The following TUBGCP4 variants were observed in gnomAD, a reference collection of about 807,000 sequenced individuals.
TUBGCP4 encodes the protein gamma-tubulin complex component 4.
In TUBGCP4, 54 loss-of-function variants were observed where a neutral mutation model predicts 91.6. That is an observed-to-expected ratio of 0.59 (90% CI 0.47 to 0.74). The LOEUF is 0.74. Among genes scored for constraint, TUBGCP4 ranks in the 30% least tolerant of loss-of-function variants. The probability of loss-of-function intolerance (pLI) is 0.00; values close to 1 mark genes in which losing one functional copy is unlikely to be tolerated. For missense variants in TUBGCP4, 593 were observed against 800.9 expected, an observed-to-expected ratio of 0.74 and a Z score of 3.13; for synonymous variants, 297 against 302.8, an observed-to-expected ratio of 0.98 and a Z score of 0.20.
chr15:43,405,200 A>G lies in TUBGCP4; in HGVS notation c.1989-2A>G. 3 of 1,614,050 alleles carry G rather than the reference A, an allele frequency of 1.9e-6. No individual in the cohort carries two copies. Among genetic ancestry groups the G allele is most frequent in the Non-Finnish European group, 2.5e-6 (3 of 1,179,958 alleles). ...TAATAAGGCTCTTTTTCTCTTTTGT[A>G]GTTTCGGGATGTGAAAATTTCTGGC... is the stretch of plus-strand genomic sequence containing the variant. On this transcript the variant is annotated splice_acceptor_variant, in intron 17 of 17. Transcript: ENST00000564079. LOFTEE classifies it high-confidence loss of function.
At chr15:43,396,553 TGTG>T (rs1275844482) in intron 11 of TUBGCP4, among the ~76,000 whole-genome samples, 1 of 152,218 alleles carries the variant, frequency 6.6e-6, no homozygotes, top group Non-Finnish European at 1.5e-5. Context: ...TATAAGTACT[TGTG>T]GTTGCAAATA....
intron 16 of TUBGCP4, chr15:43,404,125 G>A: frequency 2.0e-6 from 1 of 510,366 alleles, no homozygotes; most frequent in African/African-American, 1.9e-5. Flanking sequence ...TTATCTGCTT[G>A]TAATCAAAAC....
intron 9 of TUBGCP4, among the ~76,000 whole-genome samples, chr15:43,388,396 A>G (rs1209203295): frequency 6.6e-6 from 1 of 152,236 alleles, no homozygotes; most frequent in Middle Eastern, 3.2e-3. Context: ...GTTCGATCTT[A>G]AAATGGCTGT....
rs780662633 is a variant in TUBGCP4, at chr15:43,376,195, T to C, written c.176T>C (p.Ile59Thr). Residue 59 changes from isoleucine to threonine, a missense_variant, in exon 2 of 18, where the codon ATT (isoleucine) becomes ACT (threonine). Physicochemically the swap from Ile to Thr is moderately conservative, Grantham distance 89. Coordinates refer to ENST00000564079, the MANE Select transcript of TUBGCP4 (RefSeq NM_014444.5). The stretch of plus-strand genomic sequence containing the variant: ...GACTATATTCGCTTCACTGAGTTCA[T>C]TGAACAGTACACGGGCCATGTGCAA... ...GTDYIRFTEFIEQYTGHVQQQ... is the reference protein window; with the variant it reads ...GTDYIRFTEFTEQYTGHVQQQ... 2.5e-6 allele frequency: 4 copies of C among 1,614,170 alleles called. No individual in the cohort carries two copies. The highest frequency in any genetic ancestry group is 3.4e-6 in the Non-Finnish European group (4 of 1,180,026).
intron 4 of TUBGCP4, chr15:43,377,483 TGTG>T: frequency 3.4e-6 from 1 of 297,394 alleles, no homozygotes; most frequent in Non-Finnish European, 6.2e-6. Flanking sequence ...ATTAGTCGGT[TGTG>T]GTGGCGTGCA....
chr15:43,389,365 C>T (rs531339632), intron 9 of TUBGCP4, among the ~76,000 whole-genome samples: 2 of 152,088 alleles, frequency 1.3e-5, no homozygotes, highest in Non-Finnish European at 2.9e-5. Context: ...ATCATACTAT[C>T]TGCAAATGAG....
rs1042527343 is a variant in TUBGCP4 at position 43,383,528 on chromosome 15, G to A, written c.723+24G>A. 3.8e-6 allele frequency: 6 copies of A among 1,560,752 alleles called. No homozygotes were observed. The South Asian group carries it at 4.9e-5, about 13-fold the overall frequency. On this transcript the variant is annotated intron_variant, in intron 7 of 17. Coordinates refer to ENST00000564079, the MANE Select transcript of TUBGCP4 (RefSeq NM_014444.5). ...TGGTGAGAGCCCAAAAAGTAGCCTAGCACTCTCCTGCCAGGAGTCAGAAAA... is the reference window on the plus strand; with the variant it reads ...TGGTGAGAGCCCAAAAAGTAGCCTAACACTCTCCTGCCAGGAGTCAGAAAA...
rs1332361016 is a variant in TUBGCP4, at chr15:43,408,215, A to G, written c.*3001A>G. The G allele has an allele frequency of 3.0e-6, 3 of 993,618 alleles. No individual in the cohort carries two copies. The highest frequency in any genetic ancestry group is 4.4e-6 in the Non-Finnish European group (3 of 686,830). 61.6% of individuals were successfully genotyped at this position (993,618 alleles called of 1,614,324 possible). A position where few individuals can be genotyped will look rare whatever the true frequency, so the allele number is the denominator to read the frequency against. On this transcript the variant is annotated 3_prime_UTR_variant, in exon 18 of 18. Transcript: ENST00000564079. The stretch of plus-strand genomic sequence containing the variant: ...ATGCCCCATCAGACATAGTGTCTCA[A>G]GCCTGTAATCCCAGCACTTTGGGAG...
chr15:43,408,672 T>C lies in TUBGCP4; in HGVS notation c.*3458T>C, dbSNP rs1238020157. On this transcript the variant is annotated 3_prime_UTR_variant, in exon 18 of 18. Coordinates refer to ENST00000564079, the MANE Select transcript of TUBGCP4 (RefSeq NM_014444.5). ...GTTCTCTGACTTTACAGGTTGAGAA[T>C]ATTGAACCTATATACAAATCTTCAC... is the stretch of plus-strand genomic sequence containing the variant. 6 of 538,986 alleles carry C rather than the reference T, an allele frequency of 1.1e-5. No homozygotes were observed. Among genetic ancestry groups the C allele is most frequent in the Admixed American group, 3.1e-5 (1 of 32,394 alleles). 33.4% of individuals were successfully genotyped at this position (538,986 alleles called of 1,614,324 possible). A position where few individuals can be genotyped will look rare whatever the true frequency, so the allele number is the denominator to read the frequency against.
chr15:43,375,573 A>T (rs2044193378), intron 1 of TUBGCP4, among the ~76,000 whole-genome samples: 1 of 152,218 alleles, frequency 6.6e-6, no homozygotes, highest in Non-Finnish European at 1.5e-5. Flanking sequence ...GACACTAAAT[A>T]TATATGGCCA....
rs2044312352 is a variant in TUBGCP4 at position 43,383,376 on chromosome 15, C to T, written c.595C>T (p.Gln199Ter). 1.2e-6 allele frequency: 2 copies of T among 1,614,106 alleles called. No individual in the cohort carries two copies. Among genetic ancestry groups the T allele is most frequent in the African/African-American group, 1.3e-5 (1 of 75,016 alleles). Residue 199 changes from glutamine (Q) to a stop codon, truncating the protein, a stop_gained, in exon 7 of 18, where the codon CAG becomes TAG. Coordinates refer to ENST00000564079, the MANE Select transcript of TUBGCP4 (RefSeq NM_014444.5). LOFTEE classifies it high-confidence loss of function. Reference protein sequence around the residue: ...AWMLHGLLLDQHEEFFIKQGP... With the variant: ...AWMLHGLLLD ...GATGCTCCATGGACTCCTCTTGGAC[C>T]AGCATGAAGAATTCTTTATCAAACA...
At chr15:43,381,596 G>A (rs996003306) in intron 6 of TUBGCP4, among the ~76,000 whole-genome samples, 2 of 151,928 alleles carry the variant, frequency 1.3e-5, no homozygotes, top group Non-Finnish European at 2.9e-5. Context: ...AATTAGCCAG[G>A]TGTGGTGCCT....
At chr15:43,375,648 A>G (rs1365658105) in intron 1 of TUBGCP4, among the ~76,000 whole-genome samples, 2 of 152,208 alleles carry the variant, frequency 1.3e-5, no homozygotes, top group East Asian at 3.8e-4. Context: ...AATGAAAACA[A>G]TGAAAACTTC....
intron 4 of TUBGCP4, 111 bp downstream of exon 4, chr15:43,377,178 A>G (rs1291221069): frequency 1.3e-5 from 11 of 874,100 alleles, no homozygotes; most frequent in Admixed American, 2.2e-5. Flanking sequence ...AGAGCCTAAC[A>G]TTTTATATTT....
chr15:43,408,713 T>C lies in TUBGCP4; in HGVS notation c.*3499T>C, dbSNP rs1330419354. 25 of 610,082 alleles carry C rather than the reference T, an allele frequency of 4.1e-5. No individual in the cohort carries two copies. The highest frequency in any genetic ancestry group is 6.6e-5 in the Non-Finnish European group (23 of 349,038). 37.8% of individuals were successfully genotyped at this position (610,082 alleles called of 1,614,324 possible). A position where few individuals can be genotyped will look rare whatever the true frequency, so the allele number is the denominator to read the frequency against. On this transcript the variant is annotated 3_prime_UTR_variant, in exon 18 of 18. Coordinates refer to ENST00000564079, the MANE Select transcript of TUBGCP4 (RefSeq NM_014444.5). Reference sequence around the variant, plus strand: ...AAATCTTCACACATTTGCAAAAGGTTCCTAGCCAATGTAACCTAGGGAAAT... The same window carrying C: ...AAATCTTCACACATTTGCAAAAGGTCCCTAGCCAATGTAACCTAGGGAAAT...
intron 1 of TUBGCP4, among the ~76,000 whole-genome samples, chr15:43,375,502 A>G (rs1173247297): frequency 6.6e-6 from 1 of 152,260 alleles, no homozygotes; most frequent in Non-Finnish European, 1.5e-5. Flanking sequence ...AAACCTTTGT[A>G]TATAGCATAT....
At chr15:43,375,530 T>C (rs569697066) in intron 1 of TUBGCP4, among the ~76,000 whole-genome samples, 2 of 152,350 alleles carry the variant, frequency 1.3e-5, no homozygotes, top group Non-Finnish European at 2.9e-5. Flanking sequence ...TCATTTGGCT[T>C]TCATTTAAAT....
At chr15:43,383,161 C>T in intron 6 of TUBGCP4, 142 bp from the exon 7 acceptor site, 1 of 636,964 alleles carries the variant, frequency 1.6e-6, no homozygotes, top group Non-Finnish European at 2.5e-6. Flanking sequence ...AGTTAGTTCA[C>T]CCACATTTAA....
chr15:43,400,438 C>G (rs2044655154), intron 14 of TUBGCP4, among the ~76,000 whole-genome samples: 2 of 151,858 alleles, frequency 1.3e-5, no homozygotes, highest in South Asian at 2.1e-4. Flanking sequence ...TTCTCTGTTT[C>G]CCAGGCTGGA....
Sources: gnomAD v4.1 joint callset for allele counts (sites outside exome capture counted in the v4.1 genomes callset) on GRCh38, gnomAD v4.1.1 for gene constraint, MANE v1.5 for transcripts, NCBI Gene and HGNC (gene_info 2026-07-23, HGNC 2026-07-21) for gene names.